The following ETNK2 variants were observed in gnomAD, a reference collection of about 807,000 sequenced individuals.
ETNK2 encodes the protein ethanolamine kinase 2.
ETNK2 carries 33 observed loss-of-function variants against 46.2 expected under a neutral mutation model. That is an observed-to-expected ratio of 0.71 (90% CI 0.54 to 0.96). The LOEUF is 0.96. Ranked by LOEUF, ETNK2 falls within the 40% of genes least tolerant of loss-of-function variation. The probability of loss-of-function intolerance (pLI) is 0.00; values close to 1 mark genes in which losing one functional copy is unlikely to be tolerated. For synonymous variants in ETNK2, 194 were observed against 209.0 expected (o/e 0.93, Z 0.62); for missense variants, 445 against 509.7 (o/e 0.87, Z 1.22).
chr1:204,143,766 G>A (rs568170494), intron 3 of ETNK2, among the ~76,000 whole-genome samples: 6 of 152,224 alleles, frequency 3.9e-5, no homozygotes, highest in East Asian at 1.9e-4. Context: ...CTTTCTAAGC[G>A]TTTGAGCTTA....
chr1:204,141,235 A>G (rs1423984527), intron 4 of ETNK2, 80 bp downstream of exon 4: 1 of 1,577,752 alleles, frequency 6.3e-7, no homozygotes, highest in East Asian at 2.2e-5. Flanking sequence ...TCCAAGTGCC[A>G]GCCGGAAGAA....
chr1:204,135,277 G>A (rs1442713452), intron 6 of ETNK2, among the ~76,000 whole-genome samples: 1 of 152,100 alleles, frequency 6.6e-6, no homozygotes, highest in Non-Finnish European at 1.5e-5. Context: ...AAGAAGCCAG[G>A]GATTGGATGG....
intron 2 of ETNK2, among the ~76,000 whole-genome samples, chr1:204,148,569 GACACACACACACACACACAC>G (rs61199759): frequency 3.4e-5 from 5 of 145,222 alleles, no homozygotes; most frequent in African/African-American, 5.1e-5. Flanking sequence ...ACACCCTCAA[GACACACACACACACACACAC>G]ACACACACAC....
chr1:204,150,154 T>C (rs545161681), intron 1 of ETNK2, among the ~76,000 whole-genome samples, 192 bp from the exon 2 acceptor site: 98 of 152,278 alleles, frequency 6.4e-4, no homozygotes, highest in Middle Eastern at 6.8e-3. Context: ...CCAGTCTCTA[T>C]AGAGTTCAAG....
chr1:204,139,941 A>G (rs1476745242), intron 5 of ETNK2, 94 bp downstream of exon 5: 5 of 979,190 alleles, frequency 5.1e-6, no homozygotes, highest in Non-Finnish European at 8.2e-6. Flanking sequence ...TACCGTAAAT[A>G]TACAGTAATC....
chr1:204,136,708 T>C (rs1225771463), intron 6 of ETNK2, among the ~76,000 whole-genome samples: 1 of 141,826 alleles, frequency 7.1e-6, no homozygotes, highest in Non-Finnish European at 1.5e-5. Flanking sequence ...AGTGAGACTC[T>C]GCCTCAAAAA....
rs114517582 is a variant in ETNK2, at chr1:204,141,630, G to A, written c.642-173C>T. ...TTATCATCTGTAAAATGGCACTGAG[G>A]CGTCCTGTCCTTCTGACTCCTCTGG... On this transcript the variant is annotated intron_variant, in intron 3 of 7. Coordinates refer to ENST00000367202, the MANE Select transcript of ETNK2 (RefSeq NM_018208.4). 1.5e-3 allele frequency: 989 copies of A among 674,986 alleles called. 5 individuals carry two copies. In the African/African-American group the frequency reaches 0.015, roughly 10 times the overall value. 41.8% of individuals were successfully genotyped at this position (674,986 alleles called of 1,614,324 possible).
rs1442159853 is a variant in ETNK2, at chr1:204,151,063, G to T, written c.258+532C>A. ...TGGCCTGTGTGGGGGTGCTGAGCCC[G>T]AGCCTGCAGCGATGGTGAGGAGCTG... On this transcript the variant is annotated intron_variant, in intron 1 of 7. Transcript: ENST00000367202. This position sits in a 1 kb window ranked among gnomAD's most constrained non-coding sequence, Gnocchi z 8.0. 2 of 178,964 alleles carry T rather than the reference G, an allele frequency of 1.1e-5. No individual in the cohort carries two copies. Among genetic ancestry groups the T allele is most frequent in the African/African-American group, 4.8e-5 (2 of 41,602 alleles). The allele number at this position is 178,964 out of a possible 1,614,324, so 11.1% of individuals were successfully genotyped here.
rs76205451 is a variant in ETNK2, at chr1:204,132,253, G to C, written c.1092C>G (p.Tyr364Ter). ...YSTIDFDFLR[Y>*]AVIRFNQYFK... ...AGTACTGGTTGAATCGGATCACTGCGTACCTGTGGGGAAGACAGAAGGAAG... is the reference window on the plus strand; with the variant it reads ...AGTACTGGTTGAATCGGATCACTGCCTACCTGTGGGGAAGACAGAAGGAAG... The change falls in exon 8 of 8, where the codon TAC (tyrosine) becomes TAG (stop). Residue 364 changes from tyrosine (Y) to a stop codon, truncating the protein, a stop_gained. Transcript: ENST00000367202. LOFTEE classifies it high-confidence loss of function. The C allele has an allele frequency of 1.3e-6, 2 of 1,567,316 alleles. No individual in the cohort carries two copies. Among genetic ancestry groups the C allele is most frequent in the Non-Finnish European group, 1.7e-6 (2 of 1,155,590 alleles).
At chr1:204,141,551 C>G in intron 3 of ETNK2, 94 bp from the exon 4 acceptor site, 1 of 1,380,114 alleles carries the variant, frequency 7.2e-7, no homozygotes. Flanking sequence ...ATCACTCCCT[C>G]TGTCTTACTG....
At chr1:204,132,349 G>A (rs1657109251) in intron 7 of ETNK2, 93 bp from the exon 8 acceptor site, 1 of 840,048 alleles carries the variant, frequency 1.2e-6, no homozygotes, top group East Asian at 2.7e-5. Flanking sequence ...TTTTTCAGTG[G>A]CTCTAGGCCT....
At position 204,151,956 on chromosome 1, in the gene ETNK2, G is replaced by T; in HGVS notation, c.-104C>A. 1 of 1,207,890 alleles carries T rather than the reference G, an allele frequency of 8.3e-7. No homozygotes were observed. 74.8% of individuals were successfully genotyped at this position (1,207,890 alleles called of 1,614,324 possible). A position where few individuals can be genotyped will look rare whatever the true frequency, so the allele number is the denominator to read the frequency against. On this transcript the variant is annotated 5_prime_UTR_variant, in exon 1 of 8. Coordinates refer to ENST00000367202, the MANE Select transcript of ETNK2 (RefSeq NM_018208.4). The surrounding 1 kb of genome is among the most constrained non-coding windows in gnomAD (Gnocchi z 8.0). ...AGAGGAGGGGCCAGGGGAAGTCCAT[G>T]ACTCAGGCGCGAGCTGCCCGCTTCG...
At chr1:204,146,944 A>G (rs1406039372) in intron 2 of ETNK2, 180 bp from the exon 3 acceptor site, 1 of 775,358 alleles carries the variant, frequency 1.3e-6, no homozygotes, top group East Asian at 2.7e-5. Flanking sequence ...TCTCAGCAGA[A>G]GAGAGGAGAA....
chr1:204,137,058 G>A (rs1657312346), intron 6 of ETNK2, 46 bp downstream of exon 6: 1 of 1,604,640 alleles, frequency 6.2e-7, no homozygotes, highest in Non-Finnish European at 8.5e-7. Flanking sequence ...AGTCCCTCCT[G>A]CTAACTCCTC....
intron 6 of ETNK2, among the ~76,000 whole-genome samples, chr1:204,136,402 A>ATTATATAT: frequency 9.7e-6 from 1 of 102,792 alleles, no homozygotes. Flanking sequence ...TCTCAAAAAA[A>ATTATATAT]GTATATATAT....
At chr1:204,134,437 G>T in intron 7 of ETNK2, 78 bp downstream of exon 7, 1 of 1,509,084 alleles carries the variant, frequency 6.6e-7, no homozygotes. Flanking sequence ...ATTCTGCCTG[G>T]GCTGTCCTTT....
rs1160595944 is a variant in ETNK2, at chr1:204,143,259, G to A, written c.642-1802C>T. 2.0e-5 allele frequency among the ~76,000 whole-genome samples: 3 copies of A among 151,778 alleles called. No individual in the cohort carries two copies. In the East Asian group the frequency reaches 5.8e-4, roughly 29 times the overall value. On this transcript the variant is annotated intron_variant, in intron 3 of 7. Coordinates refer to ENST00000367202, the MANE Select transcript of ETNK2 (RefSeq NM_018208.4). ...TTTTCTTGGACTGAGACCATCAAAA[G>A]GGAAGAATTAGGAGGGTTCCTTTGG...
rs368800967 is a variant in ETNK2, at chr1:204,140,132, G to A, written c.785-14C>T. On this transcript the variant is annotated splice_polypyrimidine_tract_variant and intron_variant, in intron 4 of 7. Transcript: ENST00000367202. The stretch of plus-strand genomic sequence containing the variant: ...ACCGCACGTGACCTATGAAGTAGAG[G>A]AGAATCGATGAGAGTTGGCCCAGGA... 2.5e-6 allele frequency: 4 copies of A among 1,608,276 alleles called. No homozygotes were observed. The highest frequency in any genetic ancestry group is 3.4e-6 in the Non-Finnish European group (4 of 1,174,872).
intron 7 of ETNK2, 70 bp downstream of exon 7, chr1:204,134,445 T>C (rs941360914): frequency 1.9e-6 from 3 of 1,550,866 alleles, no homozygotes; most frequent in Admixed American, 2.0e-5. Flanking sequence ...TGGGCTGTCC[T>C]TTGCCCACAC....
Sources: allele counts gnomAD v4.1 joint callset (sites outside exome capture counted in the v4.1 genomes callset), GRCh38; gene constraint gnomAD v4.1.1; non-coding constraint Gnocchi (gnomAD v3.1); transcripts MANE v1.5; gene names NCBI Gene and HGNC (gene_info 2026-07-23, HGNC 2026-07-21).